SLC16A9: variants seen among roughly 807,000 people sequenced by gnomAD.
SLC16A9 encodes the protein solute carrier family 16 member 9.
SLC16A9 carries 26 observed loss-of-function variants against 44.3 expected under a neutral mutation model. The observed-to-expected ratio is 0.59, with a 90% confidence interval of 0.43 to 0.81. The LOEUF is 0.81. SLC16A9 is among the 40% of genes least tolerant of loss of function. The pLI, the probability that SLC16A9 is intolerant of heterozygous loss-of-function variation, is 0.00. For synonymous variants in SLC16A9, 230 were observed against 225.1 expected, an observed-to-expected ratio of 1.02 and a Z score of -0.19; for missense variants, 559 against 595.8, an observed-to-expected ratio of 0.94 and a Z score of 0.64.
intron 3 of SLC16A9, among the ~76,000 whole-genome samples, chr10:59,667,016 AT>A (rs746344495): frequency 2.2e-4 from 34 of 152,182 alleles, no homozygotes; most frequent in Non-Finnish European, 3.1e-4. Flanking sequence ...ATGTGTTAAT[AT>A]TTTTAAGTTC....
intron 4 of SLC16A9, among the ~76,000 whole-genome samples, chr10:59,660,443 T>C (rs1429583558): frequency 6.6e-6 from 1 of 152,120 alleles, no homozygotes. Flanking sequence ...CTCCCAAGAC[T>C]AAACCAGGAA....
rs867577822 is a variant in SLC16A9 at position 59,651,575 on chromosome 10, G to C, written c.*1197C>G. 6.6e-6 allele frequency: 1 copy of C among 152,000 alleles called. No homozygotes were observed. Among genetic ancestry groups the C allele is most frequent in the Non-Finnish European group, 1.5e-5 (1 of 68,000 alleles). The allele number at this position is 152,000 out of a possible 1,614,324, so 9.4% of individuals were successfully genotyped here. ...ACCCAGGTACCTATATTTTCAAAAAGATCTATAGGGAATTCTGATGCATAC... is the reference window on the plus strand; with the variant it reads ...ACCCAGGTACCTATATTTTCAAAAACATCTATAGGGAATTCTGATGCATAC... On this transcript the variant is annotated 3_prime_UTR_variant, in exon 6 of 6. Transcript: ENST00000395348.
intron 3 of SLC16A9, among the ~76,000 whole-genome samples, chr10:59,672,337 A>G (rs1004183445): frequency 1.3e-5 from 2 of 152,206 alleles, no homozygotes; most frequent in African/African-American, 4.8e-5. Context: ...ACTTGGGTTC[A>G]CAGCAACAGA....
chr10:59,677,296 G>T (rs1174983627), intron 2 of SLC16A9, among the ~76,000 whole-genome samples: 1 of 151,594 alleles, frequency 6.6e-6, no homozygotes, highest in Non-Finnish European at 1.5e-5. Flanking sequence ...TCATTATGTT[G>T]CCCAGACTGG....
rs1242678441 is a variant in SLC16A9 at position 59,657,205 on chromosome 10, AT to A, written c.437-2617del. Among the ~76,000 whole-genome samples the A allele has an allele frequency of 7.2e-5, 11 of 152,218 alleles. No individual in the cohort carries two copies. In the East Asian group the frequency reaches 1.9e-3, roughly 27 times the overall value. On this transcript the variant is annotated intron_variant, in intron 4 of 5. Coordinates refer to ENST00000395348, the MANE Select transcript of SLC16A9 (RefSeq NM_194298.3). ...ACGTATTATGAATATTCTTCTTTTG[AT>A]TTTTTTCATTCATTTAAAAATGTAA...
intron 2 of SLC16A9, among the ~76,000 whole-genome samples, chr10:59,681,938 A>G (rs1029279880): frequency 1.3e-5 from 2 of 150,228 alleles, no homozygotes; most frequent in African/African-American, 4.9e-5. Flanking sequence ...TTTTTTCCCC[A>G]CCACTTTTCA....
chr10:59,709,861 T>G (rs534384117), upstream of SLC16A9: 1 of 152,572 alleles, frequency 6.6e-6, no homozygotes, highest in East Asian at 1.9e-4. Flanking sequence ...GAACCGGTTG[T>G]GACTGCGCGG....
At chr10:59,669,574 C>T (rs533373105) in intron 3 of SLC16A9, among the ~76,000 whole-genome samples, 78 of 152,276 alleles carry the variant, frequency 5.1e-4, no homozygotes, top group African/African-American at 1.9e-3. Context: ...CAGTGGCTCA[C>T]GCCTATAATC....
chr10:59,660,554 A>G (rs939605546), intron 4 of SLC16A9, among the ~76,000 whole-genome samples: 3 of 152,224 alleles, frequency 2.0e-5, no homozygotes, highest in Non-Finnish European at 4.4e-5. Context: ...GCGGATTCAC[A>G]GCCAAATTCT....
chr10:59,662,503 C>G (rs551110065), intron 4 of SLC16A9, among the ~76,000 whole-genome samples: 3 of 151,434 alleles, frequency 2.0e-5, no homozygotes, highest in African/African-American at 7.3e-5. Context: ...GGCGTGGTGG[C>G]AGGCACCTGT....
intron 4 of SLC16A9, among the ~76,000 whole-genome samples, chr10:59,659,323 A>G (rs1178960195): frequency 6.6e-6 from 1 of 152,182 alleles, no homozygotes; most frequent in Non-Finnish European, 1.5e-5. Flanking sequence ...AGACATGATC[A>G]GCATCAGTCT....
chr10:59,704,260 C>A (rs113029381), intron 1 of SLC16A9, among the ~76,000 whole-genome samples: 2 of 152,064 alleles, frequency 1.3e-5, no homozygotes, highest in African/African-American at 2.4e-5. Flanking sequence ...CTGTGCTATC[C>A]CCCATACCTC....
At chr10:59,656,304 G>C (rs971904417) in intron 4 of SLC16A9, among the ~76,000 whole-genome samples, 3 of 152,266 alleles carry the variant, frequency 2.0e-5, no homozygotes, top group East Asian at 1.9e-4. Context: ...TGTGATTTTT[G>C]CCTATTTCTT....
chr10:59,707,750 GAGGTAAGGAAGTAAA>G (rs1189878425), intron 1 of SLC16A9, among the ~76,000 whole-genome samples: 2 of 152,086 alleles, frequency 1.3e-5, no homozygotes, highest in Non-Finnish European at 2.9e-5. Flanking sequence ...TTGAAAGATT[GAGGTAAGGAAGTAAA>G]ACTTGAAAAT....
rs1588955055 is a variant in SLC16A9, at chr10:59,651,533, A to G, written c.*1239T>C. On this transcript the variant is annotated 3_prime_UTR_variant, in exon 6 of 6. Transcript: ENST00000395348. ...GCAACAGCCTACACCAGCAGAATTA[A>G]AAGTTCTATGTGTGATACCCAGGTA... is the stretch of plus-strand genomic sequence containing the variant. 6.6e-6 allele frequency: 1 copy of G among 152,318 alleles called. No homozygotes were observed. Among genetic ancestry groups the G allele is most frequent in the East Asian group, 1.9e-4 (1 of 5,190 alleles). The allele number at this position is 152,318 out of a possible 1,614,324, so 9.4% of individuals were successfully genotyped here.
intron 1 of SLC16A9, among the ~76,000 whole-genome samples, chr10:59,699,184 G>C (rs1367768431): frequency 6.6e-6 from 1 of 152,184 alleles, no homozygotes; most frequent in Non-Finnish European, 1.5e-5. Context: ...ATAATGGTGT[G>C]AATGATGATA....
intron 1 of SLC16A9, among the ~76,000 whole-genome samples, chr10:59,697,508 CT>C (rs1316796327): frequency 2.6e-5 from 4 of 151,334 alleles, no homozygotes; most frequent in African/African-American, 9.7e-5. Context: ...GCAAGATGTG[CT>C]TTGTTAAACA....
At chr10:59,707,525 C>G (rs1840671887) in intron 1 of SLC16A9, among the ~76,000 whole-genome samples, 1 of 145,916 alleles carries the variant, frequency 6.9e-6, no homozygotes, top group Non-Finnish European at 1.5e-5. Flanking sequence ...TGACTATAGT[C>G]ACTATAGTCA....
chr10:59,707,306 A>G (rs184091124), intron 1 of SLC16A9, among the ~76,000 whole-genome samples: 1 of 81,742 alleles, frequency 1.2e-5, no homozygotes, highest in African/African-American at 5.0e-5. Context: ...AGGGAAGGGA[A>G]GGGAAGGGAA....
Sources: allele counts gnomAD v4.1 joint callset (sites outside exome capture counted in the v4.1 genomes callset), GRCh38; gene constraint gnomAD v4.1.1; transcripts MANE v1.5; gene names NCBI Gene and HGNC (gene_info 2026-07-23, HGNC 2026-07-21).